The following ZNF385D variants were observed in gnomAD, a reference collection of about 807,000 sequenced individuals.
ZNF385D encodes the protein zinc finger protein 659.
ZNF385D carries 15 observed loss-of-function variants against 35.8 expected under a neutral mutation model. The ratio of observed to expected loss-of-function variants is 0.42; its 90% CI spans 0.28 to 0.64. The LOEUF (loss-of-function observed/expected upper bound fraction) is 0.64. Among genes scored for constraint, ZNF385D ranks in the 30% least tolerant of loss-of-function variants. The pLI is 0.23. For synonymous variants in ZNF385D, 212 were observed against 186.8 expected (o/e 1.13, Z -1.10); for missense variants, 474 against 494.6 (o/e 0.96, Z 0.39).
intron 3 of ZNF385D, among the ~76,000 whole-genome samples, chr3:21,929,321 T>C (rs1482024410): frequency 6.6e-6 from 1 of 152,030 alleles, no homozygotes; most frequent in Admixed American, 6.6e-5. Flanking sequence ...TTTCTCAAAC[T>C]AATAAAGGGC....
chr3:22,169,462 T>C lies in ZNF385D; in HGVS notation c.107-427A>G, dbSNP rs138011296. Among the ~76,000 whole-genome samples the C allele has an allele frequency of 1.3e-3, 195 of 152,332 alleles. 1 individual carries two copies. Among genetic ancestry groups the C allele is most frequent in the African/African-American group, 4.4e-3 (183 of 41,592 alleles). On this transcript the variant is annotated intron_variant, in intron 2 of 5. Coordinates refer to the ZNF385D transcript ENST00000494108. Reference sequence around the variant, plus strand: ...TTTAATCATCATGTTCTCTAGTATGTAATAATGAATTAGATTATTTTGTTT... The same window carrying C: ...TTTAATCATCATGTTCTCTAGTATGCAATAATGAATTAGATTATTTTGTTT...
At chr3:22,187,950 A>T (rs1231716131) in intron 2 of ZNF385D, among the ~76,000 whole-genome samples, 1 of 152,154 alleles carries the variant, frequency 6.6e-6, no homozygotes, top group African/African-American at 2.4e-5. Flanking sequence ...ACCTGTGAAT[A>T]TGGCAAAGGG....
intron 2 of ZNF385D, among the ~76,000 whole-genome samples, chr3:22,363,570 T>A (rs11719178): frequency 6.6e-6 from 1 of 152,214 alleles, no homozygotes; most frequent in Middle Eastern, 3.4e-3. Flanking sequence ...ATGAGAAACA[T>A]TTTTTTCAGA....
intron 3 of ZNF385D, among the ~76,000 whole-genome samples, chr3:21,794,662 A>T (rs965551828): frequency 3.7e-4 from 57 of 152,124 alleles, no homozygotes; most frequent in African/African-American, 1.3e-3. Context: ...ATGAACCCTG[A>T]GCATGTTAGA....
chr3:22,000,166 G>A (rs1032117944), intron 3 of ZNF385D, among the ~76,000 whole-genome samples: 8 of 152,060 alleles, frequency 5.3e-5, no homozygotes, highest in East Asian at 1.9e-4. Flanking sequence ...TTAGCCTGGC[G>A]TGGTGGTGGC....
At chr3:22,033,541 G>A (rs548490687) in intron 3 of ZNF385D, among the ~76,000 whole-genome samples, 3 of 151,846 alleles carry the variant, frequency 2.0e-5, no homozygotes, top group Non-Finnish European at 4.4e-5. Context: ...AAATTTCACC[G>A]AAATTATGAG....
chr3:21,604,901 G>A (rs1308993632), intron 2 of ZNF385D, among the ~76,000 whole-genome samples: 2 of 152,172 alleles, frequency 1.3e-5, no homozygotes, highest in East Asian at 1.9e-4. Context: ...GTTTGTTTAT[G>A]TATGAAAGAT....
intron 3 of ZNF385D, among the ~76,000 whole-genome samples, chr3:22,136,606 G>C (rs1404466224): frequency 6.6e-6 from 1 of 152,098 alleles, no homozygotes; most frequent in African/African-American, 2.4e-5. Flanking sequence ...GAGTTAAACA[G>C]ACATTTGATC....
intron 3 of ZNF385D, among the ~76,000 whole-genome samples, chr3:22,135,040 T>C (rs527712300): frequency 2.6e-5 from 4 of 152,138 alleles, no homozygotes; most frequent in East Asian, 1.9e-4. Flanking sequence ...AAGAGAATCA[T>C]AGTAGAACTC....
At chr3:21,514,736 TG>T (rs1378239636) in intron 3 of ZNF385D, among the ~76,000 whole-genome samples, 58 of 152,022 alleles carry the variant, frequency 3.8e-4, no homozygotes, top group African/African-American at 1.3e-3. Context: ...ATGAGAGCCC[TG>T]GAGTCTTATT....
chr3:21,721,454 A>G (rs923234921), intron 1 of ZNF385D, among the ~76,000 whole-genome samples: 12 of 152,204 alleles, frequency 7.9e-5, no homozygotes, highest in African/African-American at 2.4e-4. Context: ...GGCAGATCCT[A>G]AAAAAGACTC....
chr3:21,467,296 T>G (rs1030019457), intron 4 of ZNF385D, among the ~76,000 whole-genome samples: 1 of 152,192 alleles, frequency 6.6e-6, no homozygotes, highest in Non-Finnish European at 1.5e-5. Context: ...TTGCTGACAT[T>G]GTAGTTATTA....
chr3:22,180,503 T>C (rs921938446), intron 2 of ZNF385D, among the ~76,000 whole-genome samples: 2 of 152,200 alleles, frequency 1.3e-5, no homozygotes, highest in African/African-American at 2.4e-5. Flanking sequence ...TTTAGACCAA[T>C]ATCCCTGATG....
At chr3:22,039,878 C>A (rs1576207508) in intron 3 of ZNF385D, among the ~76,000 whole-genome samples, 1 of 152,244 alleles carries the variant, frequency 6.6e-6, no homozygotes, top group East Asian at 1.9e-4. Context: ...AAAGGCTGAT[C>A]TACATTGACT....
In ZNF385D at chr3:21,584,805, C is replaced by G. The variant is rs547813104; in HGVS notation, c.166-20121G>C. Among the ~76,000 whole-genome samples the G allele has an allele frequency of 3.3e-5, 5 of 152,300 alleles. No individual in the cohort carries two copies. In the South Asian group the frequency reaches 1.0e-3, roughly 32 times the overall value. On this transcript the variant is annotated intron_variant, in intron 2 of 7. Transcript: ENST00000281523. Reference sequence around the variant, plus strand: ...CCTTATTCATCCATCATTCTACCTGCAGACCCTAATTCTAGACTGTCTCCA... The same window carrying G: ...CCTTATTCATCCATCATTCTACCTGGAGACCCTAATTCTAGACTGTCTCCA...
chr3:22,007,544 T>C (rs1184432423), intron 3 of ZNF385D, among the ~76,000 whole-genome samples: 2 of 152,232 alleles, frequency 1.3e-5, no homozygotes, highest in East Asian at 1.9e-4. Flanking sequence ...GAAATGGTTA[T>C]GTAATTTTGA....
intron 2 of ZNF385D, among the ~76,000 whole-genome samples, chr3:21,571,285 T>C (rs916226917): frequency 1.3e-5 from 2 of 152,202 alleles, no homozygotes; most frequent in Non-Finnish European, 2.9e-5. Flanking sequence ...GTGTTTGTAT[T>C]TCGATCATTT....
intron 2 of ZNF385D, among the ~76,000 whole-genome samples, chr3:22,192,642 T>C (rs561221544): frequency 6.6e-6 from 1 of 152,180 alleles, no homozygotes; most frequent in Admixed American, 6.6e-5. Context: ...AGATTATTGA[T>C]GTCATGGCCA....
At chr3:21,566,828 C>T (rs1334414320) in intron 2 of ZNF385D, among the ~76,000 whole-genome samples, 1 of 152,144 alleles carries the variant, frequency 6.6e-6, no homozygotes, top group Non-Finnish European at 1.5e-5. Context: ...TTCCCTCTTA[C>T]CCCTCTGTGG....
Sources: gnomAD v4.1 joint callset for allele counts (sites outside exome capture counted in the v4.1 genomes callset) on GRCh38, gnomAD v4.1.1 for gene constraint, MANE v1.5 for transcripts, NCBI Gene and HGNC (gene_info 2026-07-23, HGNC 2026-07-21) for gene names.